The following DNM1 variants were observed in gnomAD, a reference collection of about 807,000 sequenced individuals.
DNM1 encodes dynamin-1.
A neutral mutation model predicts 104.6 loss-of-function variants in DNM1; 29 were observed. The ratio of observed to expected loss-of-function variants is 0.28; its 90% CI spans 0.21 to 0.38. DNM1 has a LOEUF of 0.38. DNM1 is among the 10% of genes least tolerant of loss of function. The pLI is 1.00. For missense variants in DNM1, 640 were observed against 1,189.4 expected (o/e 0.54, Z 6.79); for synonymous variants, 445 against 475.8 (o/e 0.94, Z 0.84).
intron 1 of DNM1, among the ~76,000 whole-genome samples, chr9:128,205,452 C>T (rs190522711): frequency 5.2e-4 from 79 of 152,268 alleles, no homozygotes; most frequent in African/African-American, 1.7e-3. Context: ...GATGAGGAAA[C>T]TGAGACCCTG....
intron 9 of DNM1, 196 bp downstream of exon 9, chr9:128,223,056 T>C (rs1835117007): frequency 1.7e-6 from 1 of 596,096 alleles, no homozygotes; most frequent in East Asian, 2.9e-5. Flanking sequence ...CCCCGCCTAC[T>C]GCAACTTGCT....
chr9:128,212,459 G>A (rs1011825102), intron 1 of DNM1, among the ~76,000 whole-genome samples: 5 of 151,986 alleles, frequency 3.3e-5, no homozygotes, highest in African/African-American at 7.3e-5. Context: ...TGGGCAACAC[G>A]GCAAGACCCG....
chr9:128,241,493 A>G (rs1190213957), intron 14 of DNM1, among the ~76,000 whole-genome samples: 1 of 152,168 alleles, frequency 6.6e-6, no homozygotes, highest in Non-Finnish European at 1.5e-5. Flanking sequence ...CCGTACTATC[A>G]TAGCTTTTAT....
Position 128,224,407 on chromosome 9 carries a change from G to A in DNM1, c.1335+18G>A. 6.2e-7 allele frequency: 1 copy of A among 1,602,242 alleles called. No homozygotes were observed. The highest frequency in any genetic ancestry group is 2.2e-5 in the East Asian group (1 of 44,628). ...CCAAGAAGGTAACCCGGAGGCCCGGGCCAGCCCCCACCGCCTCTGCCCCGC... is the reference window on the plus strand; with the variant it reads ...CCAAGAAGGTAACCCGGAGGCCCGGACCAGCCCCCACCGCCTCTGCCCCGC... On this transcript the variant is annotated intron_variant, in intron 10 of 21. Transcript: ENST00000372923. This position sits in a 1 kb window ranked among gnomAD's most constrained non-coding sequence, Gnocchi z 4.3.
intron 9 of DNM1, chr9:128,223,981 G>A (rs550306551): frequency 2.4e-4 from 59 of 247,302 alleles, no homozygotes; most frequent in Non-Finnish European, 3.7e-4. Flanking sequence ...CCCGGGAGGC[G>A]GAGGTTGCAG....
rs368416535 is a variant in DNM1, at chr9:128,220,726, AGTGCGC to A, written c.849+387_849+392del. 8.1e-4 allele frequency among the ~76,000 whole-genome samples: 108 copies of A among 133,486 alleles called. 1 individual carries two copies. The highest frequency in any genetic ancestry group is 3.8e-3 in the Middle Eastern group (1 of 266). 87.6% of individuals were successfully genotyped at this position (133,486 alleles called of 152,430 possible). ...TCTGGAATGGGGCATCCAGAACTGA[AGTGCGC>A]GCGCGCGCGCGTGTGTGTGTGTGTG... On this transcript the variant is annotated intron_variant, in intron 6 of 21. Transcript: ENST00000372923. The surrounding 1 kb of genome is among the most constrained non-coding windows in gnomAD (Gnocchi z 5.2).
rs1168565040 is a variant in DNM1 at position 128,212,288 on chromosome 9, C to A, written c.162-5943C>A. On this transcript the variant is annotated intron_variant, in intron 1 of 21. Coordinates refer to ENST00000372923, the MANE Select transcript of DNM1 (RefSeq NM_004408.4). ...TAATTTAGTGGCTGAGTTGGGGTTCCTTCTCATCAAGATGCTGGTGATAAG... is the reference window on the plus strand; with the variant it reads ...TAATTTAGTGGCTGAGTTGGGGTTCATTCTCATCAAGATGCTGGTGATAAG... 2.0e-5 allele frequency among the ~76,000 whole-genome samples: 3 copies of A among 152,164 alleles called. No individual in the cohort carries two copies. The East Asian group carries it at 5.8e-4, about 29-fold the overall frequency.
Position 128,222,451 on chromosome 9 carries a change from C to G in DNM1, c.993-10C>G, listed in dbSNP as rs1287883315. ...TCCTGCCCCCTCAGGCCACACCACT[C>G]TCCCACCAGGATGGTCCAGCAGTTC... is the stretch of plus-strand genomic sequence containing the variant. On this transcript the variant is annotated splice_polypyrimidine_tract_variant and intron_variant, in intron 7 of 21. Coordinates refer to ENST00000372923, the MANE Select transcript of DNM1 (RefSeq NM_004408.4). This position sits in a 1 kb window ranked among gnomAD's most constrained non-coding sequence, Gnocchi z 7.8. The G allele has an allele frequency of 1.9e-6, 3 of 1,614,080 alleles. No homozygotes were observed. Among genetic ancestry groups the G allele is most frequent in the Non-Finnish European group, 2.5e-6 (3 of 1,179,950 alleles).
At chr9:128,210,748 G>A (rs968661478) in intron 1 of DNM1, among the ~76,000 whole-genome samples, 1 of 152,074 alleles carries the variant, frequency 6.6e-6, no homozygotes, top group African/African-American at 2.4e-5. Context: ...ACAGGCATGG[G>A]TCTCCTGCCT....
chr9:128,230,456 ATT>A (rs571899226), intron 10 of DNM1, among the ~76,000 whole-genome samples: 1 of 140,926 alleles, frequency 7.1e-6, no homozygotes, highest in Admixed American at 7.1e-5. Context: ...TATTATTACT[ATT>A]TTTTTTTTTG....
chr9:128,212,196 C>G (rs1834342241), intron 1 of DNM1, among the ~76,000 whole-genome samples: 1 of 152,192 alleles, frequency 6.6e-6, no homozygotes, highest in Non-Finnish European at 1.5e-5. Context: ...CTCAGCAGCC[C>G]TAGGAGGCAG....
intron 4 of DNM1, 53 bp downstream of exon 4, chr9:128,219,305 T>C: frequency 6.7e-7 from 1 of 1,501,596 alleles, no homozygotes; most frequent in Non-Finnish European, 9.3e-7. Context: ...GCAGGCTGTC[T>C]ATTCTTAGTG....
In DNM1 at chr9:128,218,519, A is replaced by G; in HGVS notation, c.236-63A>G. The G allele has an allele frequency of 6.4e-7, 1 of 1,560,124 alleles. No homozygotes were observed. The highest frequency in any genetic ancestry group is 8.7e-7 in the Non-Finnish European group (1 of 1,146,634). The stretch of plus-strand genomic sequence containing the variant: ...GTTCTATTACCGGTGGGAGATGAAA[A>G]CCCCCAGGTGGGGTTCCAGACCTTG... On this transcript the variant is annotated intron_variant, in intron 2 of 21. Coordinates refer to ENST00000372923, the MANE Select transcript of DNM1 (RefSeq NM_004408.4). The surrounding 1 kb of genome is among the most constrained non-coding windows in gnomAD (Gnocchi z 4.8).
intron 1 of DNM1, among the ~76,000 whole-genome samples, chr9:128,209,000 T>C (rs1834133414): frequency 1.3e-5 from 2 of 151,456 alleles, no homozygotes; most frequent in African/African-American, 4.9e-5. Context: ...TGTGGCTGAG[T>C]GAGGAGCAGA....
chr9:128,251,490 A>G (rs1210231069), intron 21 of DNM1: 1 of 230,618 alleles, frequency 4.3e-6, no homozygotes, highest in Non-Finnish European at 8.9e-6. Context: ...TGACTGTGTG[A>G]CTAGAAAGGT....
chr9:128,246,550 C>G (rs1196928890), intron 16 of DNM1, 47 bp downstream of exon 16: 1 of 1,429,842 alleles, frequency 7.0e-7, no homozygotes, highest in Admixed American at 1.7e-5. Flanking sequence ...CAAAACCACC[C>G]TCACTGAGTA....
At position 128,203,693 on chromosome 9, in the gene DNM1, C is replaced by T. The variant is rs1160322504; in HGVS notation, c.161+62C>T. 5.1e-6 allele frequency: 7 copies of T among 1,383,014 alleles called. No individual in the cohort carries two copies. Among genetic ancestry groups the T allele is most frequent in the Non-Finnish European group, 6.5e-6 (7 of 1,070,416 alleles). The allele number at this position is 1,383,014 out of a possible 1,614,324, so 85.7% of individuals were successfully genotyped here. A position where few individuals can be genotyped will look rare whatever the true frequency, so the allele number is the denominator to read the frequency against. On this transcript the variant is annotated intron_variant, in intron 1 of 21. Coordinates refer to ENST00000372923, the MANE Select transcript of DNM1 (RefSeq NM_004408.4). This position sits in a 1 kb window ranked among gnomAD's most constrained non-coding sequence, Gnocchi z 5.3. ...CCCCGGGATCCCTGGAGTCCCCGCC[C>T]GGGGCACTGACGGCGCGGCGACCTC...
At chr9:128,238,520 G>C (rs553925594) in intron 11 of DNM1, among the ~76,000 whole-genome samples, 48 of 152,122 alleles carry the variant, frequency 3.2e-4, no homozygotes, top group Non-Finnish European at 6.5e-4. Context: ...CACTGCGCCT[G>C]GCTAAAAGCC....
At chr9:128,214,188 G>A (rs771254799) in intron 1 of DNM1, among the ~76,000 whole-genome samples, 1 of 152,144 alleles carries the variant, frequency 6.6e-6, no homozygotes, top group Non-Finnish European at 1.5e-5. Context: ...CTGGTGACGA[G>A]GCTGTGGGAG....
Sources: allele counts gnomAD v4.1 joint callset (sites outside exome capture counted in the v4.1 genomes callset), GRCh38; gene constraint gnomAD v4.1.1; non-coding constraint Gnocchi (gnomAD v3.1); transcripts MANE v1.5; gene names NCBI Gene and HGNC (gene_info 2026-07-23, HGNC 2026-07-21).